Variants in ERICH6 observed in about 807,000 individuals in gnomAD.
The protein encoded by ERICH6 is glutamate rich 6, also known as glutamate-rich protein 6.
A neutral mutation model predicts 71.0 loss-of-function variants in ERICH6; 71 were observed. The ratio of observed to expected loss-of-function variants is 1.00; its 90% CI spans 0.83 to 1.22. The LOEUF (loss-of-function observed/expected upper bound fraction) is 1.22, where lower values mean the gene tolerates loss of function less well. ERICH6 is among the 50% of genes most tolerant of loss of function. ERICH6 has a pLI of 0.00. For missense variants in ERICH6, 808 were observed against 797.2 expected (o/e 1.01, Z -0.16); for synonymous variants, 262 against 278.4 (o/e 0.94, Z 0.59).
At chr3:150,689,577 A>ATG (rs1283511115) in intron 3 of ERICH6, among the ~76,000 whole-genome samples, 2 of 151,940 alleles carry the variant, frequency 1.3e-5, no homozygotes, top group Admixed American at 6.6e-5. Context: ...AACATCCAAG[A>ATG]TGTGTGTGTG....
intron 6 of ERICH6, 144 bp downstream of exon 6, chr3:150,685,598 T>C: frequency 2.8e-6 from 2 of 709,292 alleles, no homozygotes; most frequent in Non-Finnish European, 4.6e-6. Context: ...ACACAGACAC[T>C]CTAAGTGCTA....
chr3:150,673,283 G>T (rs921560830), intron 11 of ERICH6, among the ~76,000 whole-genome samples: 3 of 151,704 alleles, frequency 2.0e-5, no homozygotes, highest in African/African-American at 7.3e-5. Flanking sequence ...GACCCCTCGG[G>T]CTCAAGCAAT....
chr3:150,662,918 G>GCACATAGTAA (rs1727275554), intron 13 of ERICH6, among the ~76,000 whole-genome samples: 1 of 152,130 alleles, frequency 6.6e-6, no homozygotes, highest in African/African-American at 2.4e-5. Context: ...CTCTGTGACA[G>GCACATAGTAA]GAACATGCCT....
In ERICH6 at chr3:150,677,909, C is replaced by T. The variant is rs192893275; in HGVS notation, c.1257+500G>A. 2.1e-3 allele frequency among the ~76,000 whole-genome samples: 327 copies of T among 152,194 alleles called. 9 individuals carry two copies. The highest frequency in any genetic ancestry group is 0.019 in the Admixed American group (292 of 15,282). On this transcript the variant is annotated intron_variant, in intron 10 of 13. Transcript: ENST00000295910. ...GCAAGGAAAACCATCTAGAACAGTG[C>T]TAATATAACTTTTGATTACAAGAAA...
At chr3:150,687,113 C>T (rs986137709) in intron 3 of ERICH6, among the ~76,000 whole-genome samples, 1 of 152,182 alleles carries the variant, frequency 6.6e-6, no homozygotes, top group Non-Finnish European at 1.5e-5. Context: ...ACGTGGGCTA[C>T]CAAGCAAATG....
intron 3 of ERICH6, among the ~76,000 whole-genome samples, chr3:150,688,316 A>C (rs1712279464): frequency 6.6e-6 from 1 of 152,164 alleles, no homozygotes; most frequent in African/African-American, 2.4e-5. Flanking sequence ...TATAGGGAAG[A>C]GCTCAAAAAA....
chr3:150,672,849 A>AC (rs1201490198), intron 11 of ERICH6, among the ~76,000 whole-genome samples: 3 of 151,500 alleles, frequency 2.0e-5, no homozygotes, highest in African/African-American at 7.3e-5. Context: ...ACATAGAGAG[A>AC]CCCCATCTCT....
At chr3:150,666,065 T>C (rs1401748299) in intron 13 of ERICH6, among the ~76,000 whole-genome samples, 1 of 152,206 alleles carries the variant, frequency 6.6e-6, no homozygotes, top group East Asian at 1.9e-4. Flanking sequence ...ATTTTATGGA[T>C]AAGGAAACTG....
chr3:150,663,187 G>A (rs72616691), intron 13 of ERICH6, among the ~76,000 whole-genome samples: 16,170 of 152,136 alleles, frequency 0.11, 1,361 homozygotes, highest in East Asian at 0.46. Flanking sequence ...CTTATTAGGA[G>A]GCTATTGCAA....
At chr3:150,701,995 A>C (rs554484473) in intron 2 of ERICH6, 126 bp downstream of exon 2, 28 of 677,418 alleles carry the variant, frequency 4.1e-5, no homozygotes, top group Non-Finnish European at 6.8e-5. Flanking sequence ...TATATTTAAA[A>C]AAAACTTTTT....
intron 11 of ERICH6, among the ~76,000 whole-genome samples, chr3:150,672,808 T>C (rs1278790797): frequency 6.6e-6 from 1 of 151,908 alleles, no homozygotes; most frequent in Non-Finnish European, 1.5e-5. Context: ...GAGGATCGCT[T>C]GCACCCAGGA....
chr3:150,665,961 C>G (rs75951967), intron 13 of ERICH6, among the ~76,000 whole-genome samples: 6,100 of 151,906 alleles, frequency 0.04, 424 homozygotes, highest in African/African-American at 0.14. Context: ...ATCTCTATGT[C>G]TATATTATTT....
At chr3:150,678,311 A>G in intron 10 of ERICH6, 98 bp downstream of exon 10, 4 of 1,181,566 alleles carry the variant, frequency 3.4e-6, no homozygotes, top group Non-Finnish European at 4.7e-6. Flanking sequence ...ACAACTAGTT[A>G]AATGCATCAT....
chr3:150,677,585 C>T (rs1035153562), intron 10 of ERICH6, among the ~76,000 whole-genome samples: 1 of 151,914 alleles, frequency 6.6e-6, no homozygotes, highest in African/African-American at 2.4e-5. Flanking sequence ...CAACCTCCAC[C>T]CCCAGGCTCA....
chr3:150,697,948 T>C (rs1712714607), intron 3 of ERICH6, among the ~76,000 whole-genome samples: 1 of 152,200 alleles, frequency 6.6e-6, no homozygotes, highest in Admixed American at 6.5e-5. Context: ...AGGCACTTGC[T>C]GTTCCCTTGC....
At position 150,680,548 on chromosome 3, in the gene ERICH6, C is replaced by T; in HGVS notation, c.1041-10G>A. The T allele has an allele frequency of 6.2e-7, 1 of 1,614,018 alleles. No individual in the cohort carries two copies. The highest frequency in any genetic ancestry group is 8.5e-7 in the Non-Finnish European group (1 of 1,179,912). ...TCGTTGCTCCTGTTTCCTACAAAAT[C>T]AGAAAACATCAGGCATAAATCTGAA... On this transcript the variant is annotated splice_polypyrimidine_tract_variant and intron_variant, in intron 8 of 13. Transcript: ENST00000295910.
intron 9 of ERICH6, 115 bp downstream of exon 9, chr3:150,680,353 C>A: frequency 3.7e-6 from 4 of 1,070,866 alleles, no homozygotes; most frequent in Non-Finnish European, 5.6e-6. Context: ...CAGGCGTGAG[C>A]CACTGCACCT....
intron 12 of ERICH6, among the ~76,000 whole-genome samples, chr3:150,668,005 A>G (rs1012477860): frequency 6.6e-6 from 1 of 152,218 alleles, no homozygotes; most frequent in East Asian, 1.9e-4. Flanking sequence ...GTTACAGAGT[A>G]TATACATAGT....
intron 3 of ERICH6, among the ~76,000 whole-genome samples, chr3:150,692,256 GTATT>G (rs1157764755): frequency 3.9e-5 from 6 of 152,076 alleles, no homozygotes; most frequent in African/African-American, 1.4e-4. Flanking sequence ...GCTTCATGCT[GTATT>G]TATTAGGGCT....
Sources: allele counts gnomAD v4.1 joint callset (sites outside exome capture counted in the v4.1 genomes callset), GRCh38; gene constraint gnomAD v4.1.1; transcripts MANE v1.5; gene names NCBI Gene and HGNC (gene_info 2026-07-23, HGNC 2026-07-21).